Variants in LAMA2 observed in about 807,000 individuals in gnomAD.
The protein encoded by LAMA2 is laminin subunit alpha 2.
Under a neutral mutation model 364.8 loss-of-function variants are expected in LAMA2, and 269 were observed. The observed-to-expected ratio is 0.74, with a 90% CI of 0.67 to 0.82. LAMA2 has a LOEUF of 0.82. Ranked by LOEUF, LAMA2 falls within the 40% of genes least tolerant of loss-of-function variation. The probability of loss-of-function intolerance (pLI) is 0.00; values close to 1 mark genes in which losing one functional copy is unlikely to be tolerated. For synonymous variants in LAMA2, 1,379 were observed against 1,370.6 expected, an observed-to-expected ratio of 1.01 and a Z score of -0.14; for missense variants, 3,807 against 3,873.2, an observed-to-expected ratio of 0.98 and a Z score of 0.45.
intron 41 of LAMA2, among the ~76,000 whole-genome samples, chr6:129,431,840 G>C (rs973293501): frequency 6.6e-6 from 1 of 152,140 alleles, no homozygotes; most frequent in Non-Finnish European, 1.5e-5. Flanking sequence ...ATTCCGTTCA[G>C]ACAAGTGGGT....
intron 12 of LAMA2, among the ~76,000 whole-genome samples, chr6:129,199,696 A>T (rs548399235): frequency 1.3e-5 from 2 of 152,186 alleles, no homozygotes; most frequent in East Asian, 1.9e-4. Flanking sequence ...TTCAAAAAAA[A>T]TTTTTAAGAG....
chr6:129,372,558 A>G (rs1778147867), intron 34 of LAMA2, among the ~76,000 whole-genome samples: 1 of 152,184 alleles, frequency 6.6e-6, no homozygotes, highest in Non-Finnish European at 1.5e-5. Flanking sequence ...ACTGAAGGAC[A>G]TCTTGGTTGC....
intron 10 of LAMA2, among the ~76,000 whole-genome samples, chr6:129,185,501 A>C (rs1021859173): frequency 6.6e-6 from 1 of 151,902 alleles, no homozygotes; most frequent in Non-Finnish European, 1.5e-5. Flanking sequence ...AAGGAAATAG[A>C]TGTCTAAAGC....
At chr6:129,335,093 A>T (rs922171917) in intron 29 of LAMA2, among the ~76,000 whole-genome samples, 1 of 152,142 alleles carries the variant, frequency 6.6e-6, no homozygotes, top group African/African-American at 2.4e-5. Context: ...AGCTTTATAG[A>T]CTAAATATTT....
chr6:129,493,190 A>G (rs1444538532), intron 58 of LAMA2, among the ~76,000 whole-genome samples: 1 of 152,114 alleles, frequency 6.6e-6, no homozygotes, highest in Non-Finnish European at 1.5e-5. Flanking sequence ...TAAAAACTGT[A>G]TCTAAACATC....
At chr6:128,959,637 T>G (rs1057288738) in intron 1 of LAMA2, among the ~76,000 whole-genome samples, 2 of 152,202 alleles carry the variant, frequency 1.3e-5, no homozygotes, top group African/African-American at 4.8e-5. Context: ...AGAAAACTGC[T>G]AAGATTTACC....
In LAMA2 at chr6:129,177,870, C is replaced by A. The variant is rs1436791258; in HGVS notation, c.1467+4C>A. 6.2e-7 allele frequency: 1 copy of A among 1,613,304 alleles called. No homozygotes were observed. On this transcript the variant is annotated splice_donor_region_variant and intron_variant, in intron 10 of 64. Coordinates refer to ENST00000421865, the MANE Select transcript of LAMA2 (RefSeq NM_000426.4). ...TTTTGGCCCCTGTATCTGCAAGGTA[C>A]ATTGTTTATTCCAGTAATGTCCCAC... is the stretch of plus-strand genomic sequence containing the variant.
intron 2 of LAMA2, among the ~76,000 whole-genome samples, chr6:129,056,967 A>C (rs1018628883): frequency 6.6e-6 from 1 of 151,330 alleles, no homozygotes; most frequent in Non-Finnish European, 1.5e-5. Flanking sequence ...TCCTGACCTC[A>C]GGTGATCTGC....
intron 22 of LAMA2, among the ~76,000 whole-genome samples, chr6:129,311,840 A>G (rs1774249356): frequency 6.6e-6 from 1 of 152,238 alleles, no homozygotes; most frequent in Admixed American, 6.5e-5. Context: ...GAAAATAAGC[A>G]TTGGTGGTAT....
chr6:129,208,252 T>A (rs1340564060), intron 12 of LAMA2, among the ~76,000 whole-genome samples: 2 of 152,226 alleles, frequency 1.3e-5, no homozygotes, highest in African/African-American at 4.8e-5. Flanking sequence ...ACACTGTTTC[T>A]TAATGTATAA....
intron 3 of LAMA2, among the ~76,000 whole-genome samples, chr6:129,076,567 A>G (rs939118013): frequency 1.3e-5 from 2 of 148,180 alleles, no homozygotes; most frequent in Middle Eastern, 3.6e-3. Context: ...CCAAACACAG[A>G]TTTAATTTGG....
At chr6:129,038,189 A>G (rs1479718013) in intron 1 of LAMA2, among the ~76,000 whole-genome samples, 1 of 152,226 alleles carries the variant, frequency 6.6e-6, no homozygotes, top group Non-Finnish European at 1.5e-5. Context: ...TTGTACAACC[A>G]TTGAGTCTTT....
intron 33 of LAMA2, 112 bp from the exon 34 acceptor site, chr6:129,369,780 T>C (rs1777967297): frequency 1.1e-6 from 1 of 871,470 alleles, no homozygotes; most frequent in Non-Finnish European, 1.9e-6. Context: ...CCTTATCTTT[T>C]CTTTGAAGGT....
At chr6:129,277,606 A>T (rs908732760) in intron 17 of LAMA2, among the ~76,000 whole-genome samples, 15 of 152,182 alleles carry the variant, frequency 9.9e-5, no homozygotes, top group African/African-American at 3.6e-4. Context: ...GGAAGAAGAG[A>T]ATATCACATT....
intron 4 of LAMA2, among the ~76,000 whole-genome samples, chr6:129,100,638 T>C (rs1648783539): frequency 2.0e-5 from 3 of 152,188 alleles, no homozygotes; most frequent in Non-Finnish European, 4.4e-5. Flanking sequence ...AAAAGTTGAC[T>C]TTTAAAAGTT....
Position 129,383,185 on chromosome 6 carries a change from G to T in LAMA2, c.5023G>T (p.Ala1675Ser). The T allele has an allele frequency of 6.2e-7, 1 of 1,613,872 alleles. No individual in the cohort carries two copies. Reference protein sequence around the residue: ...GQDAERTNTRAKSLGEFIKEL... With the variant: ...GQDAERTNTRSKSLGEFIKEL... ...GGATGCTGAGAGGACCAACACAAGA[G>T]CAAAGTCCCTGGGAGAATTCATTAA... Residue 1675 changes from alanine to serine, a missense_variant, in exon 35 of 65, where the codon GCA (alanine) becomes TCA (serine). Ala to Ser is a moderately conservative substitution (Grantham distance 99). Transcript: ENST00000421865.
chr6:128,911,015 C>G lies in LAMA2; in HGVS notation c.112+27658C>G, dbSNP rs185929906. ...CCGTTCTTAGATCTCCAGCTGCGTA[C>G]TGGGAGAACCACTGCTCTCTTCAAA... On this transcript the variant is annotated intron_variant, in intron 1 of 64. Transcript: ENST00000421865. Among the ~76,000 whole-genome samples the G allele has an allele frequency of 2.5e-4, 38 of 151,432 alleles. 1 individual carries two copies. The highest frequency in any genetic ancestry group is 2.3e-3 in the Admixed American group (35 of 15,262).
intron 61 of LAMA2, among the ~76,000 whole-genome samples, chr6:129,507,022 C>T (rs1786142221): frequency 6.6e-6 from 1 of 151,850 alleles, no homozygotes. Context: ...GGAGGGTCTG[C>T]TGCTTTCATT....
At chr6:129,245,841 T>C (rs1399802293) in intron 12 of LAMA2, among the ~76,000 whole-genome samples, 2 of 152,184 alleles carry the variant, frequency 1.3e-5, no homozygotes, top group African/African-American at 4.8e-5. Context: ...ATGAGAATTC[T>C]GGCAGGAAAA....
Sources: allele counts gnomAD v4.1 joint callset (sites outside exome capture counted in the v4.1 genomes callset), GRCh38; gene constraint gnomAD v4.1.1; transcripts MANE v1.5; gene names NCBI Gene and HGNC (gene_info 2026-07-23, HGNC 2026-07-21).